Variants in BTBD10 observed in about 807,000 individuals in gnomAD.
BTBD10 encodes the protein BTB/POZ domain-containing protein 10.
In BTBD10, 21 loss-of-function variants were observed where a neutral mutation model predicts 53.2. That is an observed-to-expected ratio of 0.39 (90% CI 0.28 to 0.57). The LOEUF (loss-of-function observed/expected upper bound fraction) is 0.57, where lower values mean the gene tolerates loss of function less well. Among genes scored for constraint, BTBD10 ranks in the 20% least tolerant of loss-of-function variants. The pLI is 0.53. For missense variants in BTBD10, 360 were observed against 594.7 expected (o/e 0.61, Z 4.10); for synonymous variants, 149 against 192.7 (o/e 0.77, Z 1.88).
At chr11:13,412,535 A>G (rs1949981443) in intron 6 of BTBD10, among the ~76,000 whole-genome samples, 1 of 152,192 alleles carries the variant, frequency 6.6e-6, no homozygotes, top group South Asian at 2.1e-4. Context: ...CTAACAATCT[A>G]TTGGACAATC....
chr11:13,393,958 C>G (rs983980433), intron 8 of BTBD10, among the ~76,000 whole-genome samples: 1 of 152,064 alleles, frequency 6.6e-6, no homozygotes, highest in Non-Finnish European at 1.5e-5. Flanking sequence ...AATAACCTCA[C>G]TAGGTAGAGG....
At chr11:13,412,775 T>C (rs1369979524) in intron 6 of BTBD10, among the ~76,000 whole-genome samples, 1 of 152,222 alleles carries the variant, frequency 6.6e-6, no homozygotes, top group African/African-American at 2.4e-5. Flanking sequence ...GACTTCCCCT[T>C]CCTCTGAACT....
intron 8 of BTBD10, among the ~76,000 whole-genome samples, chr11:13,398,681 T>G (rs1162511577): frequency 2.6e-5 from 4 of 152,238 alleles, no homozygotes; most frequent in East Asian, 3.8e-4. Context: ...TGGCTGGTAC[T>G]GGTTGTTCCT....
intron 1 of BTBD10, among the ~76,000 whole-genome samples, chr11:13,456,624 C>T (rs1950973421): frequency 6.6e-6 from 1 of 152,134 alleles, no homozygotes; most frequent in African/African-American, 2.4e-5. Context: ...GGGCTAATTT[C>T]ATAGTATATA....
chr11:13,405,401 G>A (rs1949801151), intron 7 of BTBD10: 1 of 332,374 alleles, frequency 3.0e-6, no homozygotes, highest in East Asian at 5.4e-5. Flanking sequence ...TATATGGCAT[G>A]GGCGGGGCAT....
chr11:13,421,469 T>TA (rs1276200849), intron 3 of BTBD10, among the ~76,000 whole-genome samples, 173 bp downstream of exon 3: 3 of 152,212 alleles, frequency 2.0e-5, no homozygotes, highest in African/African-American at 7.2e-5. Context: ...TTGCATTTAA[T>TA]TAGCTGTTTT....
At chr11:13,448,113 T>A (rs1950782406) in intron 1 of BTBD10, among the ~76,000 whole-genome samples, 1 of 152,286 alleles carries the variant, frequency 6.6e-6, no homozygotes, top group South Asian at 2.1e-4. Flanking sequence ...CAAGCACTTA[T>A]AAGCATTTAC....
chr11:13,436,479 A>G lies in BTBD10; in HGVS notation c.101+8545T>C, dbSNP rs188226322. ...TAGTTCTACCTGCTGGGACCAAATA[A>G]CAACAACAACAATGCGAACACTTGG... is the stretch of plus-strand genomic sequence containing the variant. On this transcript the variant is annotated intron_variant, in intron 2 of 8. Transcript: ENST00000278174. 6.6e-5 allele frequency among the ~76,000 whole-genome samples: 10 copies of G among 152,264 alleles called. No homozygotes were observed. The East Asian group carries it at 1.9e-3, about 29-fold the overall frequency.
chr11:13,454,203 C>T (rs531249429), intron 1 of BTBD10, among the ~76,000 whole-genome samples: 66 of 152,292 alleles, frequency 4.3e-4, no homozygotes, highest in Admixed American at 2.5e-3. Flanking sequence ...TACCTGTACT[C>T]ATGTTTTAGT....
chr11:13,392,176 GAA>G (rs1322274739), intron 8 of BTBD10, among the ~76,000 whole-genome samples: 1 of 152,226 alleles, frequency 6.6e-6, no homozygotes, highest in Non-Finnish European at 1.5e-5. Context: ...GTACATAAGA[GAA>G]AGTGTTAAAG....
chr11:13,410,280 G>C (rs1423843048), intron 6 of BTBD10, among the ~76,000 whole-genome samples: 8 of 152,206 alleles, frequency 5.3e-5, no homozygotes, highest in Non-Finnish European at 2.9e-5. Flanking sequence ...GATTCTGTGA[G>C]AGAGAAAGTA....
intron 8 of BTBD10, 90 bp downstream of exon 8, chr11:13,403,078 T>C: frequency 1.2e-6 from 1 of 820,272 alleles, no homozygotes; most frequent in Non-Finnish European, 1.9e-6. Context: ...TTTCTCAAAG[T>C]ATTCCAACTG....
chr11:13,400,448 C>A (rs1337971313), intron 8 of BTBD10, among the ~76,000 whole-genome samples: 1 of 152,170 alleles, frequency 6.6e-6, no homozygotes, highest in Non-Finnish European at 1.5e-5. Context: ...TGTCTGTCAC[C>A]CCTTTCTTTG....
In BTBD10 at chr11:13,419,610, G is replaced by A; in HGVS notation, c.434C>T (p.Thr145Ile). The change falls in exon 4 of 9, where the codon ACA becomes ATA. Residue 145 changes from threonine (T) to isoleucine (I), a missense_variant. Coordinates refer to ENST00000278174, the MANE Select transcript of BTBD10 (RefSeq NM_032320.7). ...ATATACAAACACCATCTCCCCAGCT[G>A]TCTTACAGCTACCATCTGAACTTGA... ...SQSSSDGSCKTAGEMVFVYEN... is the reference protein window; with the variant it reads ...SQSSSDGSCKIAGEMVFVYEN... The A allele has an allele frequency of 1.2e-6, 2 of 1,614,074 alleles. No homozygotes were observed. The highest frequency in any genetic ancestry group is 1.7e-5 in the Admixed American group (1 of 60,002).
In BTBD10 at chr11:13,413,552, G is replaced by C; in HGVS notation, c.786C>G (p.Ser262Arg). 1 of 1,608,824 alleles carries C rather than the reference G, an allele frequency of 6.2e-7. No individual in the cohort carries two copies. The highest frequency in any genetic ancestry group is 1.1e-5 in the South Asian group (1 of 90,664). ...TACTGAGATCTCTACATTTAATAGTGCTATATTCAAAAGAGATACAAAGAT... is the reference window on the plus strand; with the variant it reads ...TACTGAGATCTCTACATTTAATAGTCCTATATTCAAAAGAGATACAAAGAT... ...CDYLCISFEY[S>R]TIKCRDLSAL... Residue 262 changes from serine (S) to arginine (R), a missense_variant, in exon 6 of 9, where the codon AGC (serine) becomes AGG (arginine). Physicochemically the swap from Ser to Arg is moderately radical, Grantham distance 110. Around this residue, in one of 6 missense-constraint regions of BTBD10, gnomAD observed 91 missense variants for 171.7 expected, o/e 0.53. Coordinates refer to ENST00000278174, the MANE Select transcript of BTBD10 (RefSeq NM_032320.7).
At chr11:13,446,572 A>G (rs943255989) in intron 1 of BTBD10, among the ~76,000 whole-genome samples, 15 of 152,136 alleles carry the variant, frequency 9.9e-5, no homozygotes, top group Non-Finnish European at 1.5e-4. Flanking sequence ...AAAGTGGGGG[A>G]AAGGAAGAAC....
At chr11:13,396,355 T>C (rs1949551974) in intron 8 of BTBD10, among the ~76,000 whole-genome samples, 1 of 152,232 alleles carries the variant, frequency 6.6e-6, no homozygotes, top group African/African-American at 2.4e-5. Flanking sequence ...GTTATTGGTG[T>C]ATAAGAATGC....
chr11:13,461,621 G>A (rs1951099377), intron 1 of BTBD10, among the ~76,000 whole-genome samples: 1 of 152,152 alleles, frequency 6.6e-6, no homozygotes, highest in South Asian at 2.1e-4. Flanking sequence ...ATGGCTTAGA[G>A]GGAGTGAGAA....
intron 7 of BTBD10, chr11:13,404,444 T>C: frequency 5.4e-6 from 1 of 183,538 alleles, no homozygotes; most frequent in Non-Finnish European, 1.0e-5. Context: ...CACTATAATA[T>C]CATTTCTATC....
Sources: allele counts gnomAD v4.1 joint callset (sites outside exome capture counted in the v4.1 genomes callset), GRCh38; gene constraint gnomAD v4.1.1; regional missense constraint gnomAD v4.1.1; transcripts MANE v1.5; gene names NCBI Gene and HGNC (gene_info 2026-07-23, HGNC 2026-07-21).